DCHS2: variants seen among roughly 807,000 people sequenced by gnomAD.
The protein encoded by DCHS2 is dachsous cadherin-related 2.
In DCHS2, 142 loss-of-function variants were observed where a neutral mutation model predicts 182.4. That is an observed-to-expected ratio of 0.78 (90% CI 0.68 to 0.89). The LOEUF (loss-of-function observed/expected upper bound fraction) is 0.89, where lower values mean the gene tolerates loss of function less well. Among genes scored for constraint, DCHS2 ranks in the 40% least tolerant of loss-of-function variants. The pLI is 0.00. For missense variants in DCHS2, 4,319 were observed against 4,198.6 expected, an observed-to-expected ratio of 1.03 and a Z score of -0.79; for synonymous variants, 1,740 against 1,663.3, an observed-to-expected ratio of 1.05 and a Z score of -1.12.
intron 3 of DCHS2, among the ~76,000 whole-genome samples, chr4:154,363,565 T>A (rs766289277): frequency 3.3e-5 from 5 of 152,134 alleles, no homozygotes; most frequent in Non-Finnish European, 5.9e-5. Context: ...CTGGGGTAAT[T>A]GGAGATGTTG....
intron 14 of DCHS2, among the ~76,000 whole-genome samples, chr4:154,268,234 C>CT (rs979095368): frequency 7.7e-6 from 1 of 129,794 alleles, no homozygotes; most frequent in Admixed American, 7.3e-5. Context: ...TCACTTTCCC[C>CT]CCCCCAAAAA....
At chr4:154,451,748 G>A (rs977460557) in intron 1 of DCHS2, among the ~76,000 whole-genome samples, 1 of 152,184 alleles carries the variant, frequency 6.6e-6, no homozygotes, top group Non-Finnish European at 1.5e-5. Context: ...TATTTTGCTT[G>A]GAAGGAGAAA....
At position 154,236,394 on chromosome 4, in the gene DCHS2, G is replaced by A. The variant is rs1486205298; in HGVS notation, c.8258C>T (p.Ala2753Val). The A allele has an allele frequency of 6.2e-7, 1 of 1,614,014 alleles. No individual in the cohort carries two copies. Among genetic ancestry groups the A allele is most frequent in the Admixed American group, 1.7e-5 (1 of 60,014 alleles). ...SDAEKKHFSF[A>V]VVFVSVLDDN... is the part of the protein sequence containing the mutation. The stretch of plus-strand genomic sequence containing the variant: ...ATCCAGGACACTGACAAACACAACT[G>A]CAAAAGAAAAATGTTTCTTTTCTGC... Residue 2753 changes from alanine (A) to valine (V), a missense_variant, in exon 20 of 20, where the codon GCA (alanine) becomes GTA (valine). Ala to Val is a moderately conservative substitution (Grantham distance 64). Coordinates refer to ENST00000357232, the MANE Select transcript of DCHS2 (RefSeq NM_001358235.2).
intron 1 of DCHS2, among the ~76,000 whole-genome samples, chr4:154,466,517 C>T (rs541886901): frequency 1.3e-5 from 2 of 152,256 alleles, no homozygotes; most frequent in African/African-American, 2.4e-5. Flanking sequence ...TCCCTCGAGA[C>T]CGCTTGCTGA....
Position 154,377,906 on chromosome 4 carries a change from A to G in DCHS2, c.2053-462T>C, listed in dbSNP as rs374133841. 4.6e-5 allele frequency among the ~76,000 whole-genome samples: 7 copies of G among 152,312 alleles called. No homozygotes were observed. The South Asian group carries it at 1.4e-3, about 32-fold the overall frequency. ...TGAGAGCAGCAAGGGGAGGGCCAAG[A>G]AATCAAGACAGTAAATGCCACCATT... On this transcript the variant is annotated intron_variant, in intron 1 of 19. Transcript: ENST00000357232.
chr4:154,403,409 T>A (rs1434685943), intron 1 of DCHS2, among the ~76,000 whole-genome samples: 1 of 152,212 alleles, frequency 6.6e-6, no homozygotes, highest in Admixed American at 6.5e-5. Flanking sequence ...ATTTAGATGA[T>A]TATATAAATT....
At position 154,236,826 on chromosome 4, in the gene DCHS2, T is replaced by A. The variant is rs1179151656; in HGVS notation, c.7826A>T (p.Tyr2609Phe). The part of the protein sequence containing the change: ...HVETKFFHSE[Y>F]PYKQVGYLVL... The stretch of plus-strand genomic sequence containing the variant: ...AAGATAACCGACTTGCTTATAAGGA[T>A]ATTCTGAATGAAAGAACTTAGTTTC... The change falls in exon 20 of 20, where the codon TAT becomes TTT. Residue 2609 changes from tyrosine to phenylalanine, a missense_variant. Tyr to Phe is a conservative substitution (Grantham distance 22). Transcript: ENST00000357232. 6.2e-7 allele frequency: 1 copy of A among 1,614,094 alleles called. No homozygotes were observed. The highest frequency in any genetic ancestry group is 8.5e-7 in the Non-Finnish European group (1 of 1,179,980).
At chr4:154,275,722 A>C (rs964083983) in intron 13 of DCHS2, among the ~76,000 whole-genome samples, 1 of 152,196 alleles carries the variant, frequency 6.6e-6, no homozygotes, top group Non-Finnish European at 1.5e-5. Context: ...CTATGCCAAC[A>C]AAAGAAACAA....
intron 1 of DCHS2, among the ~76,000 whole-genome samples, chr4:154,450,807 A>G (rs948348699): frequency 1.4e-4 from 21 of 152,066 alleles, no homozygotes; most frequent in African/African-American, 5.1e-4. Context: ...GGGCAACAAG[A>G]GTGAAACTCC....
In DCHS2 at chr4:154,491,177, G is replaced by A. The variant is rs1262885053; in HGVS notation, c.179C>T (p.Ser60Leu). ...LLVHVWLWAA[S>L]GSSAQLFNLT... ...GTTGAACAACTGGGCAGAGGAGCCC[G>A]AGGCCGCCCACAGCCACACGTGCAC... Residue 60 changes from serine (S) to leucine (L), a missense_variant, in exon 1 of 20, where the codon TCG becomes TTG. Transcript: ENST00000357232. 6.4e-6 allele frequency: 10 copies of A among 1,551,210 alleles called. No homozygotes were observed. The highest frequency in any genetic ancestry group is 2.4e-5 in the East Asian group (1 of 40,904).
Position 154,468,111 on chromosome 4 carries a change from A to G in DCHS2, c.2052+21193T>C, listed in dbSNP as rs539475427. Among the ~76,000 whole-genome samples, 11 of 152,294 alleles carry G rather than the reference A, an allele frequency of 7.2e-5. No homozygotes were observed. The South Asian group carries it at 1.5e-3, about 20-fold the overall frequency. On this transcript the variant is annotated intron_variant, in intron 1 of 19. Coordinates refer to ENST00000357232, the MANE Select transcript of DCHS2 (RefSeq NM_001358235.2). ...TTCTCTGATTAGTTGTTTCATATAC[A>G]AAAGGATTATTAAATATGGGCAGTT...
At chr4:154,300,048 A>G (rs1237291935) in intron 12 of DCHS2, among the ~76,000 whole-genome samples, 3 of 152,194 alleles carry the variant, frequency 2.0e-5, no homozygotes, top group Non-Finnish European at 4.4e-5. Flanking sequence ...AAGCCATACT[A>G]CAAGTTTTGG....
At chr4:154,336,573 C>G (rs562001971) in intron 3 of DCHS2, among the ~76,000 whole-genome samples, 38 of 152,264 alleles carry the variant, frequency 2.5e-4, no homozygotes, top group Non-Finnish European at 4.1e-4. Context: ...AAGGTGACAT[C>G]CATTTGATTT....
intron 8 of DCHS2, among the ~76,000 whole-genome samples, 191 bp from the exon 9 acceptor site, chr4:154,321,413 AG>A (rs1736057591): frequency 6.6e-6 from 1 of 152,196 alleles, no homozygotes; most frequent in Non-Finnish European, 1.5e-5. Context: ...CATAATATTT[AG>A]GAGATAACAG....
At chr4:154,433,395 C>CTTTTTTTTTTTTTTTTT (rs61553613) in intron 1 of DCHS2, among the ~76,000 whole-genome samples, 1 of 103,868 alleles carries the variant, frequency 9.6e-6, no homozygotes, top group African/African-American at 3.6e-5. Flanking sequence ...TTTTTTTTTC[C>CTTTTTTTTTTTTTTTTT]TTTTTTTTTT....
In DCHS2 at chr4:154,240,755, A is replaced by G. The variant is rs1731780873; in HGVS notation, c.7141T>C (p.Phe2381Leu). 1 of 1,613,968 alleles carries G rather than the reference A, an allele frequency of 6.2e-7. No homozygotes were observed. The highest frequency in any genetic ancestry group is 8.5e-7 in the Non-Finnish European group (1 of 1,179,910). ...GGATTACTCTCTTTGGCAAAACTGAATATGAAAGCTGAATTCAAATCCACA... is the reference window on the plus strand; with the variant it reads ...GGATTACTCTCTTTGGCAAAACTGAGTATGAAAGCTGAATTCAAATCCACA... ...HDVDLNSAFI[F>L]SFAKESNPGT... Residue 2381 changes from phenylalanine (F) to leucine (L), a missense_variant, in exon 18 of 20, where the codon TTC (phenylalanine) becomes CTC (leucine). Physicochemically the swap from Phe to Leu is conservative, Grantham distance 22. Coordinates refer to ENST00000357232, the MANE Select transcript of DCHS2 (RefSeq NM_001358235.2).
intron 3 of DCHS2, among the ~76,000 whole-genome samples, chr4:154,365,708 G>C (rs1730318207): frequency 6.6e-6 from 1 of 151,664 alleles, no homozygotes; most frequent in South Asian, 2.1e-4. Context: ...GGAGGGCAGT[G>C]GCGTGATCTC....
intron 1 of DCHS2, among the ~76,000 whole-genome samples, chr4:154,408,431 G>T (rs144174256): frequency 6.6e-6 from 1 of 152,060 alleles, no homozygotes; most frequent in Non-Finnish European, 1.5e-5. Flanking sequence ...TGTTGACCAC[G>T]GAAAATAAAA....
At chr4:154,411,735 A>C (rs181958582) in intron 1 of DCHS2, among the ~76,000 whole-genome samples, 231 of 152,336 alleles carry the variant, frequency 1.5e-3, no homozygotes, top group African/African-American at 4.3e-3. Context: ...AGGTGAAGGG[A>C]AATGGATAAC....
Sources: allele counts gnomAD v4.1 joint callset (sites outside exome capture counted in the v4.1 genomes callset), GRCh38; gene constraint gnomAD v4.1.1; transcripts MANE v1.5; gene names NCBI Gene and HGNC (gene_info 2026-07-23, HGNC 2026-07-21).